ZNRF3: variants seen among roughly 807,000 people sequenced by gnomAD.
The protein encoded by ZNRF3 is zinc and ring finger 3.
ZNRF3 carries 23 observed loss-of-function variants against 72.5 expected under a neutral mutation model. The observed-to-expected ratio is 0.32, with a 90% CI of 0.23 to 0.45. ZNRF3 has a LOEUF of 0.45. ZNRF3 is among the 20% of genes least tolerant of loss of function. ZNRF3 has a pLI of 1.00. For missense variants in ZNRF3, 1,169 were observed against 1,272.1 expected (o/e 0.92, Z 1.23); for synonymous variants, 610 against 545.3 (o/e 1.12, Z -1.65).
chr22:28,907,263 G>A (rs2034228004), intron 1 of ZNRF3, among the ~76,000 whole-genome samples: 1 of 151,912 alleles, frequency 6.6e-6, no homozygotes, highest in African/African-American at 2.4e-5. Flanking sequence ...AAAGTGCTAG[G>A]ATTACAGGCA....
At position 29,050,457 on chromosome 22, in the gene ZNRF3, A is replaced by G. The variant is rs747803804; in HGVS notation, c.2276A>G (p.Tyr759Cys). 24 of 1,611,922 alleles carry G rather than the reference A, an allele frequency of 1.5e-5. No homozygotes were observed. The highest frequency in any genetic ancestry group is 6.7e-5 in the African/African-American group (5 of 74,906). Residue 759 changes from tyrosine to cysteine, a missense_variant, in exon 8 of 9, where the codon TAC (tyrosine) becomes TGC (cysteine). By Grantham distance (194) the Tyr-to-Cys change is radical. This residue lies in a region of ZNRF3 where 783 missense variants were observed against 731.4 expected (regional missense o/e 1.07). Transcript: ENST00000544604. ...EPQSGSSQGLYGLHPDHLPRT... is the reference protein window; with the variant it reads ...EPQSGSSQGLCGLHPDHLPRT... ...CAGTCAGGAAGCTCCCAGGGCTTGT[A>G]CGGCCTTCACCCCGACCATTTGCCC...
intron 8 of ZNRF3, 136 bp from the exon 9 acceptor site, chr22:29,053,443 G>C (rs1001454411): frequency 8.3e-6 from 6 of 719,504 alleles, no homozygotes; most frequent in Admixed American, 5.5e-5. Flanking sequence ...AGCCCCTCTG[G>C]GAACAGGAAC....
chr22:29,030,142 A>AGGCTTTCCT lies in ZNRF3; in HGVS notation c.427-12350_427-12342dup, dbSNP rs1429802876. Among the ~76,000 whole-genome samples, 1 of 152,214 alleles carries AGGCTTTCCT rather than the reference A, an allele frequency of 6.6e-6. No homozygotes were observed. The highest frequency in any genetic ancestry group is 2.4e-5 in the African/African-American group (1 of 41,456). On this transcript the variant is annotated intron_variant, in intron 2 of 8. Coordinates refer to ENST00000544604, the MANE Select transcript of ZNRF3 (RefSeq NM_001206998.2). This position sits in a 1 kb window ranked among gnomAD's most constrained non-coding sequence, Gnocchi z 4.2. ...ATCGATGGAGCAGGAGGGTGTGGACAGGCTTTCCTGGGTTTTTGGTGCTCC... is the reference window on the plus strand; with the variant it reads ...ATCGATGGAGCAGGAGGGTGTGGACAGGCTTTCCTGGCTTTCCTGGGTTTTTGGTGCTCC...
intron 1 of ZNRF3, among the ~76,000 whole-genome samples, chr22:28,944,544 C>T (rs1164021083): frequency 6.6e-6 from 1 of 152,128 alleles, no homozygotes; most frequent in Non-Finnish European, 1.5e-5. Context: ...CATTTGAGCT[C>T]AGGAGTTCGA....
chr22:28,920,463 G>A (rs903440529), intron 1 of ZNRF3, among the ~76,000 whole-genome samples: 2 of 151,690 alleles, frequency 1.3e-5, no homozygotes, highest in African/African-American at 4.8e-5. Flanking sequence ...TAGAAATGGG[G>A]TTTCACCATG....
chr22:29,016,840 G>C (rs1166962284), intron 2 of ZNRF3, among the ~76,000 whole-genome samples: 4 of 152,200 alleles, frequency 2.6e-5, no homozygotes, highest in African/African-American at 4.8e-5. Flanking sequence ...TAGGGGTTGT[G>C]CCTGCCCAGT....
intron 1 of ZNRF3, among the ~76,000 whole-genome samples, chr22:28,914,850 G>C (rs923464784): frequency 2.6e-5 from 4 of 151,326 alleles, no homozygotes; most frequent in Non-Finnish European, 1.5e-5. Flanking sequence ...TAACCTACCT[G>C]ATGGATATTG....
Position 28,885,650 on chromosome 22 carries a change from A to G in ZNRF3, c.300+1584A>G, listed in dbSNP as rs548708223. On this transcript the variant is annotated intron_variant, in intron 1 of 8. Transcript: ENST00000544604. The stretch of plus-strand genomic sequence containing the variant: ...CGTGGCACTTGACTTTTTGAAGGAG[A>G]CTTTTGAAGTTTGCAGTTTTTATCT... Among the ~76,000 whole-genome samples the G allele has an allele frequency of 7.3e-5, 11 of 150,442 alleles. No individual in the cohort carries two copies. In the East Asian group the frequency reaches 1.2e-3, roughly 16 times the overall value.
intron 1 of ZNRF3, among the ~76,000 whole-genome samples, chr22:28,937,202 TA>T (rs2034845925): frequency 0.016 from 52 of 3,290 alleles, no homozygotes; most frequent in Non-Finnish European, 0.036. Context: ...TATATATATA[TA>T]TATATATATA....
chr22:28,996,482 G>T (rs1311032578), intron 2 of ZNRF3, among the ~76,000 whole-genome samples: 2 of 152,224 alleles, frequency 1.3e-5, no homozygotes, highest in Non-Finnish European at 2.9e-5. Flanking sequence ...TTTTGAGAAT[G>T]TGAAGGAGGT....
At chr22:29,041,264 T>A (rs1303633149) in intron 2 of ZNRF3, among the ~76,000 whole-genome samples, 1 of 152,110 alleles carries the variant, frequency 6.6e-6, no homozygotes, top group Non-Finnish European at 1.5e-5. Flanking sequence ...TACCTCAGCC[T>A]CCCGAGTAGC....
chr22:28,983,815 G>A (rs1363628348), intron 1 of ZNRF3, among the ~76,000 whole-genome samples: 1 of 152,228 alleles, frequency 6.6e-6, no homozygotes. Flanking sequence ...GGAAATGGTG[G>A]TTTTAGCAAA....
intron 1 of ZNRF3, among the ~76,000 whole-genome samples, chr22:28,905,225 C>T (rs781181023): frequency 6.6e-6 from 1 of 152,172 alleles, no homozygotes; most frequent in Non-Finnish European, 1.5e-5. Flanking sequence ...GTATGAGCCA[C>T]CTCACCTGGC....
Position 28,890,360 on chromosome 22 carries a change from C to T in ZNRF3, c.300+6294C>T, listed in dbSNP as rs185545617. 1.0e-3 allele frequency among the ~76,000 whole-genome samples: 156 copies of T among 152,146 alleles called. 1 individual carries two copies. Among genetic ancestry groups the T allele is most frequent in the Non-Finnish European group, 1.7e-3 (119 of 68,006 alleles). ...CCAAAAATATAAAAAATTAGCCGGG[C>T]GTGGTGGCGGGGGCCTGTAGTCCCA... On this transcript the variant is annotated intron_variant, in intron 1 of 8. Coordinates refer to ENST00000544604, the MANE Select transcript of ZNRF3 (RefSeq NM_001206998.2).
At chr22:28,983,385 C>T (rs575424814) in intron 1 of ZNRF3, among the ~76,000 whole-genome samples, 20 of 152,212 alleles carry the variant, frequency 1.3e-4, no homozygotes, top group Non-Finnish European at 2.1e-4. Context: ...CGGACACGCT[C>T]TCCACATGCC....
intron 1 of ZNRF3, among the ~76,000 whole-genome samples, chr22:28,899,689 CT>C (rs200411431): frequency 7.1e-6 from 1 of 140,686 alleles, no homozygotes; most frequent in African/African-American, 2.6e-5. Context: ...TTCTTTCTTT[CT>C]TTCTTTTTTT....
intron 1 of ZNRF3, among the ~76,000 whole-genome samples, chr22:28,967,105 C>T (rs2035482250): frequency 6.6e-6 from 1 of 152,180 alleles, no homozygotes. Flanking sequence ...TGGTCTCGAA[C>T]TCCTGACCTC....
chr22:28,911,772 C>CAGA (rs2034323455), intron 1 of ZNRF3, among the ~76,000 whole-genome samples: 1 of 152,078 alleles, frequency 6.6e-6, no homozygotes, highest in African/African-American at 2.4e-5. Context: ...CCCCTAACCC[C>CAGA]TCAGTTTGGG....
chr22:28,943,123 G>T (rs548097168), intron 1 of ZNRF3, among the ~76,000 whole-genome samples: 1 of 152,236 alleles, frequency 6.6e-6, no homozygotes, highest in Admixed American at 6.5e-5. Flanking sequence ...AAACTACCAG[G>T]TTTTATGTTC....
Sources: gnomAD v4.1 joint callset for allele counts (sites outside exome capture counted in the v4.1 genomes callset) on GRCh38, gnomAD v4.1.1 for gene constraint, gnomAD v4.1.1 regional missense constraint, Gnocchi (gnomAD v3.1) non-coding constraint, MANE v1.5 for transcripts, NCBI Gene and HGNC (gene_info 2026-07-23, HGNC 2026-07-21) for gene names.